The following RBFOX1 variants were observed in gnomAD, a reference collection of about 807,000 sequenced individuals.
RBFOX1 encodes RNA binding fox-1 homolog 1.
A neutral mutation model predicts 57.7 loss-of-function variants in RBFOX1; 8 were observed. The ratio of observed to expected loss-of-function variants is 0.14; its 90% CI spans 0.08 to 0.25. The LOEUF is 0.25. RBFOX1 is among the 10% of genes least tolerant of loss of function. The pLI is 1.00. For missense variants in RBFOX1, 611 were observed against 548.5 expected (o/e 1.11, Z -1.14); for synonymous variants, 326 against 222.4 (o/e 1.47, Z -4.15).
chr16:7,124,966 T>G (rs1249458143), intron 4 of RBFOX1, among the ~76,000 whole-genome samples: 1 of 152,100 alleles, frequency 6.6e-6, no homozygotes, highest in Non-Finnish European at 1.5e-5. Context: ...TTCACAGGAC[T>G]GGAAAGTATG....
At chr16:5,749,009 C>G (rs4609851) in intron 3 of RBFOX1, among the ~76,000 whole-genome samples, 1 of 152,098 alleles carries the variant, frequency 6.6e-6, no homozygotes, top group Admixed American at 6.6e-5. Context: ...TGGCTGGTAT[C>G]GGTTGTTCTT....
At chr16:5,918,257 C>G (rs1179154609) in intron 4 of RBFOX1, among the ~76,000 whole-genome samples, 1 of 152,104 alleles carries the variant, frequency 6.6e-6, no homozygotes, top group Non-Finnish European at 1.5e-5. Flanking sequence ...GTAGCTGGGA[C>G]TACAGGCAGC....
chr16:7,609,689 A>G (rs1002719372), intron 10 of RBFOX1, among the ~76,000 whole-genome samples: 3 of 152,198 alleles, frequency 2.0e-5, no homozygotes, highest in Non-Finnish European at 4.4e-5. Flanking sequence ...AAAATGCAAA[A>G]AGTTGGTATT....
At chr16:5,558,516 C>G (rs975541558) in intron 2 of RBFOX1, among the ~76,000 whole-genome samples, 3 of 152,230 alleles carry the variant, frequency 2.0e-5, no homozygotes, top group East Asian at 3.9e-4. Flanking sequence ...GTACAAACTA[C>G]CTTAGTGACC....
chr16:6,899,863 C>T (rs754805901), intron 3 of RBFOX1, among the ~76,000 whole-genome samples: 14 of 152,288 alleles, frequency 9.2e-5, no homozygotes, highest in East Asian at 5.8e-4. Flanking sequence ...AATAGTAGGG[C>T]CATGTCCAGG....
chr16:6,509,268 C>T (rs1038228881), intron 2 of RBFOX1, among the ~76,000 whole-genome samples: 1 of 152,062 alleles, frequency 6.6e-6, no homozygotes, highest in South Asian at 2.1e-4. Flanking sequence ...ATTTGAGCTC[C>T]TTATATATTC....
At chr16:6,836,299 T>A (rs1186856370) in intron 3 of RBFOX1, among the ~76,000 whole-genome samples, 4 of 152,218 alleles carry the variant, frequency 2.6e-5, no homozygotes, top group Non-Finnish European at 5.9e-5. Context: ...GTTAAGGATT[T>A]TCAGCTCTGT....
chr16:6,719,632 G>A (rs1251431878), intron 3 of RBFOX1, among the ~76,000 whole-genome samples: 2 of 151,156 alleles, frequency 1.3e-5, no homozygotes, highest in South Asian at 2.1e-4. Flanking sequence ...ATTTTTAGTA[G>A]AGATGGGGTT....
intron 3 of RBFOX1, among the ~76,000 whole-genome samples, chr16:5,694,793 GTTTGTTTTTGTT>G (rs141188870): frequency 0.59 from 88,142 of 150,046 alleles, 29,019 homozygotes; most frequent in Non-Finnish European, 0.75. Context: ...GGGGAGTTGG[GTTTGTTTTTGTT>G]TTTGTTTTTG....
chr16:6,322,594 A>G (rs1396160048), intron 2 of RBFOX1, among the ~76,000 whole-genome samples: 2 of 152,154 alleles, frequency 1.3e-5, no homozygotes, highest in African/African-American at 2.4e-5. Flanking sequence ...TAGGAAGTTG[A>G]CCCTATGATT....
intron 3 of RBFOX1, among the ~76,000 whole-genome samples, chr16:6,933,948 A>C (rs754577673): frequency 6.6e-6 from 1 of 152,212 alleles, no homozygotes. Context: ...CATGGTATTG[A>C]AAAATCAAAG....
chr16:6,153,181 C>T (rs2096811874), intron 1 of RBFOX1, among the ~76,000 whole-genome samples: 2 of 151,590 alleles, frequency 1.3e-5, no homozygotes, highest in African/African-American at 4.8e-5. Context: ...ACCCTGAATC[C>T]GATTTGTAGA....
In RBFOX1 at chr16:7,281,644, A is replaced by G. The variant is rs550488301; in HGVS notation, c.27+229546A>G. Among the ~76,000 whole-genome samples, 55 of 152,254 alleles carry G rather than the reference A, an allele frequency of 3.6e-4. 1 individual carries two copies. The highest frequency in any genetic ancestry group is 3.2e-3 in the Admixed American group (49 of 15,300). On this transcript the variant is annotated intron_variant, in intron 4 of 15. Transcript: ENST00000550418. The stretch of plus-strand genomic sequence containing the variant: ...TCTTTTCTTCATGGGGTTCTAGTCT[A>G]GATGAGAAGACAGTGTCCAGCCACT...
At chr16:7,204,777 T>A (rs1350031822) in intron 4 of RBFOX1, among the ~76,000 whole-genome samples, 1 of 152,184 alleles carries the variant, frequency 6.6e-6, no homozygotes, top group Non-Finnish European at 1.5e-5. Flanking sequence ...TCCTTTCTCT[T>A]TTCCTTCTTT....
At position 7,710,794 on chromosome 16, in the gene RBFOX1, C is replaced by T. The variant is rs376748559; in HGVS notation, c.*49C>T. The T allele has an allele frequency of 9.2e-5, 133 of 1,453,338 alleles. No individual in the cohort carries two copies. In the Admixed American group the frequency reaches 9.5e-4, roughly 10 times the overall value. The allele number at this position is 1,453,338 out of a possible 1,614,324, so 90.0% of individuals were successfully genotyped here. A position where few individuals can be genotyped will look rare whatever the true frequency, so the allele number is the denominator to read the frequency against. The stretch of plus-strand genomic sequence containing the variant: ...CAATGTGGGGAGAAAGGAAGCTTTC[C>T]GAGGCCTGAGTATTGCAATACATGC... On this transcript the variant is annotated 3_prime_UTR_variant, in exon 16 of 16. Coordinates refer to ENST00000550418, the MANE Select transcript of RBFOX1 (RefSeq NM_018723.4).
At chr16:6,402,033 G>T (rs898787790) in intron 2 of RBFOX1, among the ~76,000 whole-genome samples, 1 of 150,978 alleles carries the variant, frequency 6.6e-6, no homozygotes, top group Non-Finnish European at 1.5e-5. Context: ...TGATACCTTT[G>T]TCTAATGGTG....
chr16:6,912,319 G>T (rs531849757), intron 3 of RBFOX1, among the ~76,000 whole-genome samples: 1 of 152,090 alleles, frequency 6.6e-6, no homozygotes, highest in Non-Finnish European at 1.5e-5. Context: ...ATAGCTCTGG[G>T]GTGGAGCTCT....
chr16:7,398,476 G>A (rs758035219), intron 4 of RBFOX1, among the ~76,000 whole-genome samples: 1 of 152,208 alleles, frequency 6.6e-6, no homozygotes, highest in Non-Finnish European at 1.5e-5. Context: ...TATTAACTTG[G>A]TGATAGGCAT....
At chr16:5,991,239 C>T (rs1163767573) in intron 4 of RBFOX1, among the ~76,000 whole-genome samples, 4 of 152,112 alleles carry the variant, frequency 2.6e-5, no homozygotes, top group Non-Finnish European at 5.9e-5. Flanking sequence ...TGCAGAGGAG[C>T]AGCAAAGTTC....
Sources: gnomAD v4.1 joint callset for allele counts (sites outside exome capture counted in the v4.1 genomes callset) on GRCh38, gnomAD v4.1.1 for gene constraint, MANE v1.5 for transcripts, NCBI Gene and HGNC (gene_info 2026-07-23, HGNC 2026-07-21) for gene names.